The following LEPR variants were observed in gnomAD, a reference collection of about 807,000 sequenced individuals.
LEPR encodes leptin receptor, also known as OB receptor.
In LEPR, 56 loss-of-function variants were observed where a neutral mutation model predicts 114.7. That is an observed-to-expected ratio of 0.49 (90% CI 0.39 to 0.61). The LOEUF is 0.61. Ranked by LOEUF, LEPR falls within the 20% of genes least tolerant of loss-of-function variation. The pLI, the probability that LEPR is intolerant of heterozygous loss-of-function variation, is 0.00. For missense variants in LEPR, 1,202 were observed against 1,352.9 expected (o/e 0.89, Z 1.75); for synonymous variants, 443 against 461.4 (o/e 0.96, Z 0.51).
chr1:65,568,151 T>C (rs1039444802), intron 3 of LEPR, among the ~76,000 whole-genome samples: 2 of 152,224 alleles, frequency 1.3e-5, no homozygotes, highest in Non-Finnish European at 1.5e-5. Flanking sequence ...AATGTCATAA[T>C]GTCATATAGT....
At chr1:65,592,366 C>T (rs985040078) in intron 5 of LEPR, among the ~76,000 whole-genome samples, 4 of 145,688 alleles carry the variant, frequency 2.7e-5, no homozygotes, top group Non-Finnish European at 6.0e-5. Context: ...TTTATTTCAT[C>T]ATTATTTTGA....
intron 2 of LEPR, among the ~76,000 whole-genome samples, chr1:65,539,824 A>T (rs115204910): frequency 1.1e-3 from 164 of 152,268 alleles, no homozygotes; most frequent in African/African-American, 3.9e-3. Context: ...GCTCAGAGGT[A>T]GTAGGCATTG....
intron 2 of LEPR, among the ~76,000 whole-genome samples, chr1:65,536,191 T>C (rs1650762919): frequency 6.6e-6 from 1 of 152,152 alleles, no homozygotes; most frequent in Admixed American, 6.5e-5. Flanking sequence ...GTAATGAGCA[T>C]GTTCTTACTC....
intron 2 of LEPR, among the ~76,000 whole-genome samples, chr1:65,508,902 C>T (rs1418399958): frequency 2.0e-5 from 3 of 152,096 alleles, no homozygotes; most frequent in Admixed American, 6.6e-5. Flanking sequence ...AGATCTTCCA[C>T]TTCCTCGGTT....
intron 2 of LEPR, among the ~76,000 whole-genome samples, chr1:65,444,748 T>G (rs1293768838): frequency 1.3e-5 from 2 of 152,224 alleles, no homozygotes; most frequent in East Asian, 3.8e-4. Flanking sequence ...TTAAATATTT[T>G]GAATTCTTTA....
intron 2 of LEPR, chr1:65,432,929 T>G: frequency 1.0e-6 from 1 of 966,058 alleles, no homozygotes; most frequent in Non-Finnish European, 1.2e-6. Context: ...CAATAATTTG[T>G]CAATATATAA....
chr1:65,420,865 G>A, intron 1 of LEPR, 125 bp downstream of exon 1: 1 of 1,212,746 alleles, frequency 8.2e-7, no homozygotes, highest in Non-Finnish European at 1.2e-6. Flanking sequence ...CGCCTCTCCG[G>A]TTCGGGAGGC....
chr1:65,520,861 A>G (rs752911762), intron 2 of LEPR, among the ~76,000 whole-genome samples: 10 of 152,366 alleles, frequency 6.6e-5, no homozygotes, highest in Non-Finnish European at 1.3e-4. Context: ...ATATGTCCTT[A>G]AGGCACAGAT....
chr1:65,532,588 C>A (rs1000774670), intron 2 of LEPR, among the ~76,000 whole-genome samples: 3 of 152,116 alleles, frequency 2.0e-5, no homozygotes, highest in Non-Finnish European at 4.4e-5. Flanking sequence ...GCCCAAATGT[C>A]CATACACTGA....
chr1:65,615,796 A>G (rs1032921409), intron 14 of LEPR, among the ~76,000 whole-genome samples: 2 of 152,168 alleles, frequency 1.3e-5, no homozygotes, highest in Admixed American at 1.3e-4. Flanking sequence ...TAAGTTTGCT[A>G]TGCTCCATAA....
At chr1:65,476,254 T>C (rs1279628277) in intron 2 of LEPR, among the ~76,000 whole-genome samples, 1 of 151,848 alleles carries the variant, frequency 6.6e-6, no homozygotes, top group East Asian at 1.9e-4. Context: ...TGGTTAGCTC[T>C]TTATTAAAAT....
At chr1:65,492,749 G>T (rs1283895728) in intron 2 of LEPR, among the ~76,000 whole-genome samples, 3 of 150,188 alleles carry the variant, frequency 2.0e-5, no homozygotes, top group Non-Finnish European at 3.0e-5. Flanking sequence ...AGCTTCAGTG[G>T]TTATGTTATT....
intron 2 of LEPR, among the ~76,000 whole-genome samples, chr1:65,488,736 A>G (rs751886560): frequency 7.3e-5 from 11 of 151,560 alleles, no homozygotes; most frequent in Middle Eastern, 3.4e-3. Context: ...TGCACCTATT[A>G]CTCATTTCCC....
intron 2 of LEPR, among the ~76,000 whole-genome samples, chr1:65,488,141 C>CTACTTCCT (rs1647605844): frequency 1.0e-5 from 1 of 97,388 alleles, no homozygotes; most frequent in African/African-American, 6.2e-5. Flanking sequence ...CTCCCTCCCT[C>CTACTTCCT]TCCTTCCTTC....
At chr1:65,565,688 G>T in intron 3 of LEPR, 83 bp downstream of exon 3, 3 of 1,495,134 alleles carry the variant, frequency 2.0e-6, no homozygotes, top group Non-Finnish European at 2.8e-6. Context: ...TTATTTATTA[G>T]CTAACAGAAT....
chr1:65,502,320 A>T (rs535087586), intron 2 of LEPR, among the ~76,000 whole-genome samples: 2 of 152,250 alleles, frequency 1.3e-5, no homozygotes, highest in South Asian at 4.1e-4. Flanking sequence ...ACCATCTGTA[A>T]ACCAAGGAGA....
In LEPR at chr1:65,472,986, C is replaced by T. The variant is rs12410666; in HGVS notation, c.-21+47608C>T. On this transcript the variant is annotated intron_variant, in intron 2 of 19. Coordinates refer to ENST00000349533, the MANE Select transcript of LEPR (RefSeq NM_002303.6). ...TACATACATAAATGCTGGCTAAATG[C>T]CCCCAGGGATGGAAGTTTACTGCCT... Among the ~76,000 whole-genome samples, 1,366 of 152,280 alleles carry T rather than the reference C, an allele frequency of 9.0e-3. 37 individuals carry two copies. The highest frequency in any genetic ancestry group is 0.072 in the East Asian group (374 of 5,180).
At chr1:65,537,326 A>G (rs1650847436) in intron 2 of LEPR, among the ~76,000 whole-genome samples, 2 of 152,202 alleles carry the variant, frequency 1.3e-5, no homozygotes, top group South Asian at 2.1e-4. Context: ...TTACTTATGT[A>G]TAAACCAGTA....
chr1:65,592,818 G>A lies in LEPR; in HGVS notation c.656G>A (p.Gly219Glu), dbSNP rs749487938. The A allele has an allele frequency of 6.2e-7, 1 of 1,613,202 alleles. No individual in the cohort carries two copies. The highest frequency in any genetic ancestry group is 8.5e-7 in the Non-Finnish European group (1 of 1,179,398). ...LLMCLKITSGGVIFQSPLMSV... is the reference protein window; with the variant it reads ...LLMCLKITSGEVIFQSPLMSV... ...ATGTGTTTGAAAATCACATCTGGTG[G>A]AGTAATTTTCCAGTCACCTCTAATG... is the stretch of plus-strand genomic sequence containing the variant. Residue 219 changes from glycine to glutamate, a missense_variant, in exon 6 of 20, where the codon GGA (glycine) becomes GAA (glutamate). Gly to Glu is a moderately conservative substitution (Grantham distance 98). Coordinates refer to ENST00000349533, the MANE Select transcript of LEPR (RefSeq NM_002303.6).
Sources: allele counts gnomAD v4.1 joint callset (sites outside exome capture counted in the v4.1 genomes callset), GRCh38; gene constraint gnomAD v4.1.1; transcripts MANE v1.5; gene names NCBI Gene and HGNC (gene_info 2026-07-23, HGNC 2026-07-21).